CLASP1: variants seen among roughly 807,000 people sequenced by gnomAD.
CLASP1 encodes CLIP-associating protein 1.
CLASP1 carries 38 observed loss-of-function variants against 192.3 expected under a neutral mutation model. The observed-to-expected ratio is 0.20, with a 90% confidence interval of 0.15 to 0.26. CLASP1 has a LOEUF of 0.26. Among genes scored for constraint, CLASP1 ranks in the 10% least tolerant of loss-of-function variants. The probability of loss-of-function intolerance (pLI) is 1.00; values close to 1 mark genes in which losing one functional copy is unlikely to be tolerated. For synonymous variants in CLASP1, 691 were observed against 712.8 expected, an observed-to-expected ratio of 0.97 and a Z score of 0.49; for missense variants, 1,433 against 1,932.5, an observed-to-expected ratio of 0.74 and a Z score of 4.85.
chr2:121,406,662 T>G (rs561376540), intron 25 of CLASP1, among the ~76,000 whole-genome samples: 1 of 152,160 alleles, frequency 6.6e-6, no homozygotes. Context: ...GTAATCATAA[T>G]GCACTGCAAT....
At chr2:121,607,320 C>T (rs2064570320) in intron 1 of CLASP1, among the ~76,000 whole-genome samples, 1 of 152,166 alleles carries the variant, frequency 6.6e-6, no homozygotes, top group African/African-American at 2.4e-5. Flanking sequence ...GCCTGGGTGA[C>T]AGAGCTGGAC....
chr2:121,618,594 CAT>C (rs143347969), intron 1 of CLASP1, among the ~76,000 whole-genome samples: 5,832 of 152,160 alleles, frequency 0.038, 160 homozygotes, highest in East Asian at 0.14. Context: ...ATATCATATT[CAT>C]ATGTTTTAAT....
chr2:121,398,297 A>G, intron 29 of CLASP1, 25 bp downstream of exon 30: 1 of 1,537,188 alleles, frequency 6.5e-7, no homozygotes, highest in Non-Finnish European at 8.9e-7. Context: ...CCAGGGTTGA[A>G]TTGTAATGAC....
At chr2:121,529,924 T>G (rs978311342) in intron 3 of CLASP1, among the ~76,000 whole-genome samples, 2 of 151,606 alleles carry the variant, frequency 1.3e-5, no homozygotes, top group African/African-American at 2.4e-5. Context: ...ATATTTCATA[T>G]TAGAACACGT....
At chr2:121,648,695 A>C (rs975927224) in intron 1 of CLASP1, among the ~76,000 whole-genome samples, 2 of 152,322 alleles carry the variant, frequency 1.3e-5, no homozygotes, top group South Asian at 4.1e-4. Context: ...TGCCAATACC[A>C]AAGAACAACA....
chr2:121,354,194 G>T (rs1251248253), intron 37 of CLASP1, among the ~76,000 whole-genome samples: 1 of 152,192 alleles, frequency 6.6e-6, no homozygotes, highest in Non-Finnish European at 1.5e-5. Flanking sequence ...AGCATGGCAG[G>T]TTATCTACAA....
At chr2:121,541,659 A>G (rs1013394279) in intron 2 of CLASP1, among the ~76,000 whole-genome samples, 2 of 152,172 alleles carry the variant, frequency 1.3e-5, no homozygotes, top group African/African-American at 2.4e-5. Context: ...GGCTCTGGGA[A>G]TGCCTCAGCT....
chr2:121,626,211 A>G (rs2106167230), intron 1 of CLASP1, among the ~76,000 whole-genome samples: 1 of 152,324 alleles, frequency 6.6e-6, no homozygotes, highest in African/African-American at 2.4e-5. Flanking sequence ...CAGTTGAAAA[A>G]AAAGAAAACT....
chr2:121,591,698 AGCCGGC>A, intron 2 of CLASP1, among the ~76,000 whole-genome samples: 1 of 152,316 alleles, frequency 6.6e-6, no homozygotes, highest in African/African-American at 2.4e-5. Flanking sequence ...TCCTTCATGG[AGCCGGC>A]TGGGCTATCT....
intron 13 of CLASP1, 133 bp from the exon 14 acceptor site, chr2:121,457,890 A>G: frequency 1.6e-6 from 1 of 608,976 alleles, no homozygotes. Context: ...GAGTTTTAAA[A>G]GAAAAAAAGA....
At chr2:121,498,803 A>T (rs1015917341) in intron 8 of CLASP1, among the ~76,000 whole-genome samples, 1 of 152,260 alleles carries the variant, frequency 6.6e-6, no homozygotes, top group African/African-American at 2.4e-5. Flanking sequence ...AGGGCTAATA[A>T]GCACATGAAA....
intron 7 of CLASP1, chr2:121,512,860 A>T (rs1019282378): frequency 2.0e-5 from 3 of 152,258 alleles, no homozygotes; most frequent in African/African-American, 4.8e-5. Flanking sequence ...TCTCTTGGTG[A>T]ACAAACCCTT....
intron 1 of CLASP1, among the ~76,000 whole-genome samples, chr2:121,631,844 C>T (rs940711584): frequency 2.6e-5 from 4 of 151,762 alleles, no homozygotes; most frequent in East Asian, 2.0e-4. Context: ...GTCAACAGTT[C>T]GAGACCAGCC....
At chr2:121,372,665 C>T (rs2068995513) in intron 34 of CLASP1, among the ~76,000 whole-genome samples, 1 of 152,166 alleles carries the variant, frequency 6.6e-6, no homozygotes, top group South Asian at 2.1e-4. Context: ...CTGCTCATGC[C>T]CTATTCAATC....
chr2:121,589,659 T>A (rs1291762029), intron 2 of CLASP1, among the ~76,000 whole-genome samples: 1 of 151,858 alleles, frequency 6.6e-6, no homozygotes, highest in Admixed American at 6.6e-5. Context: ...CACACTATTA[T>A]TTAACAGTAT....
intron 19 of CLASP1, among the ~76,000 whole-genome samples, chr2:121,435,672 C>T (rs2082177328): frequency 6.6e-6 from 1 of 152,290 alleles, no homozygotes; most frequent in East Asian, 1.9e-4. Context: ...TTTAAAGATG[C>T]TTTACTATCT....
chr2:121,530,867 G>T (rs572378395), intron 2 of CLASP1: 2 of 678,878 alleles, frequency 2.9e-6, no homozygotes, highest in Admixed American at 2.1e-5. Context: ...GCAGCCCAGG[G>T]ACTTTCTATT....
chr2:121,474,014 A>G (rs1175779621), intron 8 of CLASP1, among the ~76,000 whole-genome samples: 1 of 152,258 alleles, frequency 6.6e-6, no homozygotes, highest in Non-Finnish European at 1.5e-5. Context: ...AAAGAACAGT[A>G]GATACAGTAA....
chr2:121,428,541 C>T (rs1390756834), intron 20 of CLASP1, among the ~76,000 whole-genome samples: 1 of 152,184 alleles, frequency 6.6e-6, no homozygotes, highest in Non-Finnish European at 1.5e-5. Context: ...TAGGGTTCAA[C>T]AGAATAACCA....
Sources: gnomAD v4.1 joint callset for allele counts (sites outside exome capture counted in the v4.1 genomes callset) on GRCh38, gnomAD v4.1.1 for gene constraint, MANE v1.5 for transcripts, NCBI Gene and HGNC (gene_info 2026-07-23, HGNC 2026-07-21) for gene names.